Variants in DACH2 observed in about 807,000 individuals in gnomAD.
DACH2 encodes dachshund homolog 2.
Under a neutral mutation model 35.8 loss-of-function variants are expected in DACH2, and 17 were observed. That is an observed-to-expected ratio of 0.48 (90% CI 0.33 to 0.71). The LOEUF is 0.71. Ranked by LOEUF, DACH2 falls within the 30% of genes least tolerant of loss-of-function variation. The probability of loss-of-function intolerance (pLI) is 0.02; values close to 1 mark genes in which losing one functional copy is unlikely to be tolerated. For synonymous variants in DACH2, 195 were observed against 177.3 expected, an observed-to-expected ratio of 1.10 and a Z score of -0.79; for missense variants, 469 against 472.7, an observed-to-expected ratio of 0.99 and a Z score of 0.07.
chrX:86,313,726 C>T (rs1316875190), intron 1 of DACH2, among the ~76,000 whole-genome samples: 1 of 111,759 alleles, frequency 8.9e-6, no homozygotes, highest in African/African-American at 3.3e-5. Context: ...CCATTAGCAA[C>T]TTCAAAAATT....
At chrX:86,622,427 T>C (rs993727762) in intron 3 of DACH2, among the ~76,000 whole-genome samples, 1 of 111,656 alleles carries the variant, frequency 9.0e-6, no homozygotes. Flanking sequence ...TGTTTTAATG[T>C]TCCAATAGTG....
intron 2 of DACH2, among the ~76,000 whole-genome samples, chrX:86,388,887 G>A (rs1329701964): frequency 8.1e-5 from 9 of 111,394 alleles, no homozygotes; most frequent in African/African-American, 2.9e-4. Context: ...TTAATTTTAT[G>A]GCATTGCTGT....
At chrX:86,600,609 T>A (rs1461265134) in intron 3 of DACH2, among the ~76,000 whole-genome samples, 1 of 112,134 alleles carries the variant, frequency 8.9e-6, no homozygotes, top group East Asian at 2.8e-4. Flanking sequence ...ACTTGGTCAG[T>A]GGTATATCTG....
intron 1 of DACH2, among the ~76,000 whole-genome samples, chrX:86,262,722 G>A (rs2033649103): frequency 8.9e-6 from 1 of 111,908 alleles, no homozygotes; most frequent in Non-Finnish European, 1.9e-5. Context: ...TTCTGAGCTG[G>A]AGCCTTTTAT....
At chrX:86,792,645 C>T (rs1396682230) in intron 7 of DACH2, among the ~76,000 whole-genome samples, 1 of 111,533 alleles carries the variant, frequency 9.0e-6, no homozygotes, top group Non-Finnish European at 1.9e-5. Context: ...CAGTACCTAG[C>T]TTATTTCACT....
chrX:86,148,952 C>T lies in DACH2; in HGVS notation c.332C>T (p.Thr111Ile). 8.3e-7 allele frequency: 1 copy of T among 1,211,060 alleles called. No homozygotes were observed. Among genetic ancestry groups the T allele is most frequent in the Non-Finnish European group, 1.1e-6 (1 of 895,437 alleles). The change falls in exon 1 of 12, where the codon ACC becomes ATC. Residue 111 changes from threonine (T) to isoleucine (I), a missense_variant. Physicochemically the swap from Thr to Ile is moderately conservative, Grantham distance 89 (BLOSUM62 -1). Transcript: ENST00000373125. ...HLVGGLHTVY[T>I]KLKRLDISPV... Reference sequence around the variant, plus strand: ...GTGGGAGGCTTGCACACTGTGTACACCAAGCTGAAGAGACTGGATATATCC... The same window carrying T: ...GTGGGAGGCTTGCACACTGTGTACATCAAGCTGAAGAGACTGGATATATCC...
intron 1 of DACH2, chrX:86,160,340 C>T (rs1219016628): frequency 1.0e-6 from 1 of 960,961 alleles, no homozygotes; most frequent in Non-Finnish European, 1.5e-6. Flanking sequence ...TCTCATATCA[C>T]AAACACCAAA....
chrX:86,577,841 G>A (rs180815431), intron 3 of DACH2, among the ~76,000 whole-genome samples: 4 of 111,620 alleles, frequency 3.6e-5, no homozygotes, highest in African/African-American at 6.5e-5. Flanking sequence ...TAGAGCTTTC[G>A]GATTGTTGAA....
chrX:86,720,264 G>A (rs898535218), intron 6 of DACH2, among the ~76,000 whole-genome samples: 18 of 110,204 alleles, frequency 1.6e-4, no homozygotes, highest in African/African-American at 5.3e-4. Context: ...AATGCATCCC[G>A]GCATTAACCC....
intron 1 of DACH2, among the ~76,000 whole-genome samples, chrX:86,181,430 G>T (rs1296873901): frequency 1.8e-5 from 2 of 111,039 alleles, no homozygotes; most frequent in Non-Finnish European, 3.8e-5. Context: ...GTGAAAACAT[G>T]CGATGTTTGG....
chrX:86,576,842 C>T (rs946707837), intron 3 of DACH2, among the ~76,000 whole-genome samples: 3 of 110,291 alleles, frequency 2.7e-5, no homozygotes, highest in Non-Finnish European at 3.8e-5. Context: ...CTGACACCTT[C>T]CTCATCTCCC....
At chrX:86,445,926 C>A (rs1301555540) in intron 2 of DACH2, among the ~76,000 whole-genome samples, 1 of 111,536 alleles carries the variant, frequency 9.0e-6, no homozygotes, top group Non-Finnish European at 1.9e-5. Flanking sequence ...TGTGGACGAT[C>A]AGTCAGTTTC....
At chrX:86,772,568 C>T (rs769812623) in intron 7 of DACH2, among the ~76,000 whole-genome samples, 126 of 111,170 alleles carry the variant, frequency 1.1e-3, no homozygotes, top group South Asian at 2.2e-3. Context: ...AGATAGAATA[C>T]TGTATTTATC....
chrX:86,547,524 AACACACACACACACACACACACAC>A lies in DACH2; in HGVS notation c.640+33154_640+33177del, dbSNP rs751559427. ...GAAAATGAAACCTAACGTGCTGCAG[AACACACACACACACACACACACAC>A]ACACACACACACACACACACCACAG... On this transcript the variant is annotated intron_variant, in intron 3 of 11. Transcript: ENST00000373125. 6.4e-4 allele frequency among the ~76,000 whole-genome samples: 58 copies of A among 90,854 alleles called. 1 individual carries two copies. The East Asian group carries it at 8.7e-3, about 14-fold the overall frequency. The allele number at this position is 90,854 out of a possible 115,157, so 78.9% of individuals were successfully genotyped here. A position where few individuals can be genotyped will look rare whatever the true frequency, so the allele number is the denominator to read the frequency against.
intron 1 of DACH2, among the ~76,000 whole-genome samples, chrX:86,365,525 T>C (rs966295570): frequency 9.0e-5 from 10 of 111,639 alleles, no homozygotes; most frequent in African/African-American, 2.6e-4. Flanking sequence ...ATTCAAACTT[T>C]GTTCATGAGG....
chrX:86,284,851 T>C (rs2034113290), intron 1 of DACH2, among the ~76,000 whole-genome samples: 1 of 111,277 alleles, frequency 9.0e-6, no homozygotes, highest in African/African-American at 3.3e-5. Context: ...TTTGAACTTC[T>C]TCATGATTCA....
chrX:86,260,337 G>C (rs962582134), intron 1 of DACH2, among the ~76,000 whole-genome samples: 1 of 110,678 alleles, frequency 9.0e-6, no homozygotes, highest in African/African-American at 3.3e-5. Context: ...CTACAATTCT[G>C]ATACTCTCAA....
At chrX:86,828,579 T>C (rs1202055688) in intron 11 of DACH2, 1 of 111,506 alleles carries the variant, frequency 9.0e-6, no homozygotes, top group Non-Finnish European at 1.9e-5. Context: ...GAATGAAAAA[T>C]CTATAGGCAT....
In DACH2 at chrX:86,266,505, A is replaced by G. The variant is rs1167370379; in HGVS notation, c.489-110319A>G. The stretch of plus-strand genomic sequence containing the variant: ...ACATTATAAGATAGTGGCAACTGAT[A>G]CTGTCAAAGTATATAGTTTTGTCTA... On this transcript the variant is annotated intron_variant, in intron 1 of 11. Transcript: ENST00000373125. Among the ~76,000 whole-genome samples, 3 of 112,087 alleles carry G rather than the reference A, an allele frequency of 2.7e-5. No homozygotes were observed. The East Asian group carries it at 8.4e-4, about 31-fold the overall frequency.
Sources: allele counts gnomAD v4.1 joint callset (sites outside exome capture counted in the v4.1 genomes callset), GRCh38; gene constraint gnomAD v4.1.1; transcripts MANE v1.5; gene names NCBI Gene and HGNC (gene_info 2026-07-23, HGNC 2026-07-21).